Variants in CEP15 observed in about 807,000 individuals in gnomAD.
CEP15 encodes centrosomal protein 15 kDa.
the CEP15 span, chr3:62,331,316 C>G: frequency 1.2e-6 from 2 of 1,611,868 alleles, no homozygotes; most frequent in Non-Finnish European, 8.5e-7. Context: ...ATGCCGATAT[C>G]TGTTACAGGA....
At chr3:62,323,104 C>G in the CEP15 span, among the ~76,000 whole-genome samples, 4 of 152,186 alleles carry the variant, frequency 2.6e-5, no homozygotes, top group Admixed American at 2.6e-4. Flanking sequence ...ATTTGGTTTT[C>G]AAGCATTTTC....
the CEP15 span, chr3:62,323,931 C>G: frequency 6.6e-6 from 1 of 152,192 alleles, no homozygotes; most frequent in African/African-American, 2.4e-5. Flanking sequence ...TATTATATCA[C>G]AAACACAGTG....
At chr3:62,324,287 G>C in the CEP15 span, among the ~76,000 whole-genome samples, 1 of 151,944 alleles carries the variant, frequency 6.6e-6, no homozygotes, top group Middle Eastern at 3.2e-3. Context: ...CAGCTGCTTG[G>C]GAGGCTGTGG....
At chr3:62,319,623 T>A in the CEP15 span, 1 of 152,244 alleles carries the variant, frequency 6.6e-6, no homozygotes, top group Non-Finnish European at 1.5e-5. Context: ...TGTGTCAATC[T>A]TTAGACAATC....
At chr3:62,328,469 C>T in the CEP15 span, among the ~76,000 whole-genome samples, 10 of 152,172 alleles carry the variant, frequency 6.6e-5, no homozygotes, top group Non-Finnish European at 1.5e-4. Context: ...GGTTATACCA[C>T]CAACTACATA....
chr3:62,336,071 T>C, the CEP15 span: 1 of 152,202 alleles, frequency 6.6e-6, no homozygotes, highest in Non-Finnish European at 1.5e-5. The surrounding 1 kb of genome is among the most constrained non-coding windows in gnomAD (Gnocchi z 4.4). Flanking sequence ...TTTTAAATTG[T>C]CAGCTTAAGG....
chr3:62,322,076 T>G, the CEP15 span: 1 of 1,596,054 alleles, frequency 6.3e-7, no homozygotes, highest in Non-Finnish European at 8.5e-7. This position sits in a 1 kb window ranked among gnomAD's most constrained non-coding sequence, Gnocchi z 5.5. Flanking sequence ...GACTTGAATA[T>G]AGAGATTTAT....
the CEP15 span, chr3:62,320,417 A>G: frequency 1.4e-6 from 2 of 1,419,430 alleles, no homozygotes; most frequent in Admixed American, 3.5e-5. Flanking sequence ...AGCTGAGGAC[A>G]TGTGGTAGAA....
At chr3:62,325,151 T>C in the CEP15 span, among the ~76,000 whole-genome samples, 1 of 152,184 alleles carries the variant, frequency 6.6e-6, no homozygotes, top group Non-Finnish European at 1.5e-5. Context: ...ATTATTACAC[T>C]GAAATGGAAG....
chr3:62,322,029 T>C, the CEP15 span: 1 of 1,608,542 alleles, frequency 6.2e-7, no homozygotes, highest in Non-Finnish European at 8.5e-7. This position sits in a 1 kb window ranked among gnomAD's most constrained non-coding sequence, Gnocchi z 5.5. Flanking sequence ...AGACTGCTTT[T>C]AAAAGGAACC....
the CEP15 span, chr3:62,333,672 G>T: frequency 1.4e-5 from 3 of 213,978 alleles, no homozygotes; most frequent in Admixed American, 5.8e-5. This position sits in a 1 kb window ranked among gnomAD's most constrained non-coding sequence, Gnocchi z 4.0. Context: ...TGAGTGTGTT[G>T]CTTTAAAAAA....
chr3:62,326,171 A>G, the CEP15 span, among the ~76,000 whole-genome samples: 1 of 152,162 alleles, frequency 6.6e-6, no homozygotes, highest in East Asian at 1.9e-4. Flanking sequence ...ATGCCCTGGA[A>G]GCCTTTATGG....
the CEP15 span, chr3:62,333,522 T>A: frequency 9.4e-7 from 1 of 1,062,754 alleles, no homozygotes; most frequent in South Asian, 1.7e-5. The surrounding 1 kb of genome is among the most constrained non-coding windows in gnomAD (Gnocchi z 4.0). Context: ...AGTGAAGATA[T>A]GAGAATTTAC....
the CEP15 span, among the ~76,000 whole-genome samples, chr3:62,330,114 C>T: frequency 6.6e-6 from 1 of 152,102 alleles, no homozygotes; most frequent in African/African-American, 2.4e-5. Context: ...GGTTGTGCAA[C>T]TTTGGGGAGT....
the CEP15 span, chr3:62,335,418 C>T: frequency 6.6e-6 from 1 of 151,090 alleles, no homozygotes; most frequent in Non-Finnish European, 1.5e-5. Context: ...TCCCCACCCC[C>T]ACCTTGTAGA....
the CEP15 span, among the ~76,000 whole-genome samples, chr3:62,321,577 G>A: frequency 2.0e-5 from 3 of 152,074 alleles, no homozygotes; most frequent in Non-Finnish European, 2.9e-5. This position sits in a 1 kb window ranked among gnomAD's most constrained non-coding sequence, Gnocchi z 4.1. Flanking sequence ...ATAACTATGT[G>A]TACAAAGGGA....
the CEP15 span, chr3:62,331,437 C>G: frequency 1.2e-5 from 18 of 1,494,182 alleles, no homozygotes; most frequent in African/African-American, 1.9e-4. Flanking sequence ...AAGAGAGACC[C>G]TATCTATCTA....
At chr3:62,322,918 A>C in the CEP15 span, among the ~76,000 whole-genome samples, 1 of 152,218 alleles carries the variant, frequency 6.6e-6, no homozygotes, top group Non-Finnish European at 1.5e-5. The surrounding 1 kb of genome is among the most constrained non-coding windows in gnomAD (Gnocchi z 5.5). Flanking sequence ...AATTTAAGTC[A>C]CAGCCATAGT....
the CEP15 span, chr3:62,335,250 T>A: frequency 6.6e-6 from 1 of 152,220 alleles, no homozygotes; most frequent in Non-Finnish European, 1.5e-5. Context: ...ACTTGCTAAA[T>A]AATTTTTGAA....
Sources: allele counts gnomAD v4.1 joint callset (sites outside exome capture counted in the v4.1 genomes callset), GRCh38; gene constraint gnomAD v4.1.1; non-coding constraint Gnocchi (gnomAD v3.1); transcripts MANE v1.5; gene names NCBI Gene and HGNC (gene_info 2026-07-23, HGNC 2026-07-21).